The following GIPC2 variants were observed in gnomAD, a reference collection of about 807,000 sequenced individuals.
GIPC2 encodes the protein GIPC PDZ domain containing family member 2.
A neutral mutation model predicts 30.6 loss-of-function variants in GIPC2; 30 were observed. That is an observed-to-expected ratio of 0.98 (90% CI 0.73 to 1.33). The LOEUF (loss-of-function observed/expected upper bound fraction) is 1.33. Among genes scored for constraint, GIPC2 ranks in the 40% most tolerant of loss-of-function variants. The pLI is 0.00. For synonymous variants in GIPC2, 167 were observed against 150.0 expected (o/e 1.11, Z -0.83); for missense variants, 414 against 390.3 (o/e 1.06, Z -0.51).
chr1:78,059,737 C>T (rs1411137955), intron 1 of GIPC2, among the ~76,000 whole-genome samples: 1 of 151,746 alleles, frequency 6.6e-6, no homozygotes, highest in East Asian at 1.9e-4. Context: ...TGCCACTGCC[C>T]TCCAGCCTGG....
chr1:78,076,207 GA>G (rs1661714112), intron 1 of GIPC2, among the ~76,000 whole-genome samples: 1 of 152,212 alleles, frequency 6.6e-6, no homozygotes, highest in African/African-American at 2.4e-5. Context: ...TTAAAATGGG[GA>G]AGAGAAGTTT....
intron 3 of GIPC2, among the ~76,000 whole-genome samples, chr1:78,095,752 C>T (rs1348390538): frequency 8.5e-5 from 13 of 152,106 alleles, no homozygotes; most frequent in African/African-American, 3.1e-4. Flanking sequence ...GTGCCAGCTT[C>T]TCTCTTACCA....
At chr1:78,059,471 G>A (rs1312685052) in intron 1 of GIPC2, among the ~76,000 whole-genome samples, 2 of 152,208 alleles carry the variant, frequency 1.3e-5, no homozygotes, top group African/African-American at 4.8e-5. Flanking sequence ...GGGTGCAGTG[G>A]CACATACATG....
chr1:78,081,283 G>A (rs1363729244), intron 2 of GIPC2, among the ~76,000 whole-genome samples: 1 of 152,050 alleles, frequency 6.6e-6, no homozygotes, highest in African/African-American at 2.4e-5. Context: ...TATAAAGTTG[G>A]ATCTCTGTAT....
rs372483816 is a variant in GIPC2 at position 78,136,523 on chromosome 1, C to T, written c.*780C>T. ...TCACTCATAGCCACTTTTATGTTACCTTTTATAAGCACTCCAGGGAAGATT... is the reference window on the plus strand; with the variant it reads ...TCACTCATAGCCACTTTTATGTTACTTTTTATAAGCACTCCAGGGAAGATT... On this transcript the variant is annotated 3_prime_UTR_variant, in exon 6 of 6. Coordinates refer to ENST00000370759, the MANE Select transcript of GIPC2 (RefSeq NM_017655.6). The T allele has an allele frequency of 2.4e-4, 36 of 147,554 alleles. No homozygotes were observed. In the South Asian group the frequency reaches 7.8e-3, roughly 32 times the overall value. 9.1% of individuals were successfully genotyped at this position (147,554 alleles called of 1,614,324 possible).
chr1:78,087,967 A>G (rs1031668871), intron 2 of GIPC2, among the ~76,000 whole-genome samples: 1 of 152,236 alleles, frequency 6.6e-6, no homozygotes, highest in Non-Finnish European at 1.5e-5. Context: ...TCAAAAGCAG[A>G]CACACATGTG....
chr1:78,069,345 C>T (rs753595412), intron 1 of GIPC2, among the ~76,000 whole-genome samples: 6 of 152,122 alleles, frequency 3.9e-5, no homozygotes, highest in Non-Finnish European at 5.9e-5. Context: ...TCAGGCCCAC[C>T]CATAGGTGAA....
intron 4 of GIPC2, among the ~76,000 whole-genome samples, chr1:78,119,915 A>T (rs1015302078): frequency 2.0e-5 from 3 of 152,234 alleles, no homozygotes; most frequent in Admixed American, 2.0e-4. Flanking sequence ...TGTCGCTTCC[A>T]TCAGCAGATC....
intron 2 of GIPC2, among the ~76,000 whole-genome samples, chr1:78,081,651 C>T (rs554372444): frequency 2.0e-5 from 3 of 152,102 alleles, no homozygotes; most frequent in African/African-American, 7.2e-5. Flanking sequence ...GCTTCAAAGG[C>T]AAGATAAAAG....
rs149058415 is a variant in GIPC2 at position 78,089,640 on chromosome 1, G to A, written c.427-5312G>A. ...GGGTTACAGGGATGAGCCACCATACGTGGCCCAGATGAAACTTTTTAGGTG... is the reference window on the plus strand; with the variant it reads ...GGGTTACAGGGATGAGCCACCATACATGGCCCAGATGAAACTTTTTAGGTG... On this transcript the variant is annotated intron_variant, in intron 2 of 5. Coordinates refer to ENST00000370759, the MANE Select transcript of GIPC2 (RefSeq NM_017655.6). Among the ~76,000 whole-genome samples, 621 of 152,206 alleles carry A rather than the reference G, an allele frequency of 4.1e-3. 5 individuals are homozygous for A. The highest frequency in any genetic ancestry group is 0.014 in the African/African-American group (587 of 41,528).
chr1:78,079,773 A>G (rs1279670811), intron 1 of GIPC2, among the ~76,000 whole-genome samples: 1 of 152,210 alleles, frequency 6.6e-6, no homozygotes, highest in Non-Finnish European at 1.5e-5. Flanking sequence ...CCCACAAGTT[A>G]CCCAGATTAT....
intron 1 of GIPC2, among the ~76,000 whole-genome samples, chr1:78,059,471 G>C (rs1312685052): frequency 6.6e-6 from 1 of 152,208 alleles, no homozygotes; most frequent in African/African-American, 2.4e-5. Flanking sequence ...GGGTGCAGTG[G>C]CACATACATG....
intron 1 of GIPC2, among the ~76,000 whole-genome samples, chr1:78,050,290 AT>A (rs573094874): frequency 3.2e-4 from 49 of 151,084 alleles, no homozygotes; most frequent in Middle Eastern, 3.4e-3. Context: ...TTGTAAACAA[AT>A]TTTTTTTTTC....
intron 3 of GIPC2, among the ~76,000 whole-genome samples, chr1:78,106,571 A>G (rs1045637450): frequency 2.9e-4 from 44 of 152,186 alleles, no homozygotes; most frequent in Non-Finnish European, 1.0e-4. Context: ...AAAACAAAAC[A>G]AAACAAAACA....
chr1:78,055,681 C>T (rs1363607727), intron 1 of GIPC2, among the ~76,000 whole-genome samples: 1 of 152,170 alleles, frequency 6.6e-6, no homozygotes, highest in Non-Finnish European at 1.5e-5. Context: ...TCTTATTAAA[C>T]TTCCTAAGAA....
chr1:78,091,753 G>C, intron 2 of GIPC2: 1 of 775,980 alleles, frequency 1.3e-6, no homozygotes, highest in Non-Finnish European at 2.4e-6. Flanking sequence ...TTGTTCTCAA[G>C]CACAAAGTAG....
chr1:78,070,524 G>GATAT (rs34419860), intron 1 of GIPC2, among the ~76,000 whole-genome samples: 2 of 149,238 alleles, frequency 1.3e-5, no homozygotes, highest in Non-Finnish European at 3.0e-5. Context: ...GGGAGAGGAT[G>GATAT]ATATATATAT....
chr1:78,050,665 C>G (rs140412407), intron 1 of GIPC2, among the ~76,000 whole-genome samples: 2 of 149,396 alleles, frequency 1.3e-5, no homozygotes, highest in Non-Finnish European at 3.0e-5. Flanking sequence ...ACGGGAGTCT[C>G]GCTCTGTCGC....
At chr1:78,132,128 C>A (rs1662910583) in intron 5 of GIPC2, among the ~76,000 whole-genome samples, 1 of 152,150 alleles carries the variant, frequency 6.6e-6, no homozygotes, top group Admixed American at 6.5e-5. Context: ...GGCCCTTGGG[C>A]AAATTATTAA....
Sources: gnomAD v4.1 joint callset for allele counts (sites outside exome capture counted in the v4.1 genomes callset) on GRCh38, gnomAD v4.1.1 for gene constraint, MANE v1.5 for transcripts, NCBI Gene and HGNC (gene_info 2026-07-23, HGNC 2026-07-21) for gene names.